Variants in CENPE observed in about 807,000 individuals in gnomAD.
CENPE encodes the protein centromere-associated protein E.
In CENPE, 145 loss-of-function variants were observed where a neutral mutation model predicts 336.1. The observed-to-expected ratio is 0.43, with a 90% confidence interval of 0.38 to 0.50. The LOEUF is 0.50. Among genes scored for constraint, CENPE ranks in the 20% least tolerant of loss-of-function variants. The probability of loss-of-function intolerance (pLI) is 0.00; values close to 1 mark genes in which losing one functional copy is unlikely to be tolerated. For synonymous variants in CENPE, 1,013 were observed against 984.8 expected (o/e 1.03, Z -0.54); for missense variants, 2,719 against 3,023.3 (o/e 0.90, Z 2.36).
rs184905062 is a variant in CENPE, at chr4:103,144,225, C to A, written c.5145+106G>T. The A allele has an allele frequency of 7.8e-4, 743 of 946,788 alleles. 6 individuals are homozygous for A. In the African/African-American group the frequency reaches 0.012, roughly 15 times the overall value. The allele number at this position is 946,788 out of a possible 1,614,324, so 58.6% of individuals were successfully genotyped here. ...TGCTGGGATTACCGGCTCGAGCCAC[C>A]GCGCCCGGCCTGGACCAATTTTATA... On this transcript the variant is annotated intron_variant, in intron 33 of 48. Transcript: ENST00000265148.
Position 103,139,822 on chromosome 4 carries a change from T to TCC in CENPE, c.6170_6171insGG (p.Phe2058AspfsTer3). The TCC allele has an allele frequency of 6.2e-7, 1 of 1,612,162 alleles. No homozygotes were observed. The highest frequency in any genetic ancestry group is 8.5e-7 in the Non-Finnish European group (1 of 1,179,324). The stretch of plus-strand genomic sequence containing the variant: ...TCATTTCCCTTAAGGTTGCTATGAA[T>TCC]TGGTCCCTTTCCATTTTGAGAGATT... On this transcript the variant is annotated frameshift_variant, in exon 38 of 49. Transcript: ENST00000265148. LOFTEE classifies it high-confidence loss of function.
At chr4:103,181,271 C>G in intron 12 of CENPE, 66 bp downstream of exon 12, 2 of 1,174,380 alleles carry the variant, frequency 1.7e-6, no homozygotes, top group Non-Finnish European at 2.3e-6. Flanking sequence ...AGTCTCTGAG[C>G]ATTTGGGCAG....
chr4:103,113,106 ATATATACT>A, intron 46 of CENPE, among the ~76,000 whole-genome samples: 1 of 131,804 alleles, frequency 7.6e-6, no homozygotes, highest in Non-Finnish European at 1.6e-5. Flanking sequence ...ATAAGTGTAT[ATATATACT>A]TATAAGTATA....
chr4:103,191,824 A>G (rs1757381146), intron 8 of CENPE, among the ~76,000 whole-genome samples: 1 of 152,122 alleles, frequency 6.6e-6, no homozygotes, highest in Admixed American at 6.5e-5. Context: ...AAAAAACGTA[A>G]AACTGGAAAA....
intron 16 of CENPE, among the ~76,000 whole-genome samples, chr4:103,173,509 G>A (rs1249619555): frequency 8.6e-6 from 1 of 116,894 alleles, no homozygotes; most frequent in Admixed American, 8.4e-5. Flanking sequence ...ACAAATAAAC[G>A]GAATTACAAC....
chr4:103,161,294 A>G (rs1754420971), intron 19 of CENPE, 41 bp downstream of exon 19: 2 of 1,604,348 alleles, frequency 1.2e-6, no homozygotes, highest in South Asian at 2.2e-5. Flanking sequence ...TACACTGATC[A>G]TTACAACTAC....
At chr4:103,143,478 C>T in intron 33 of CENPE, 72 bp from the exon 34 acceptor site, 1 of 1,043,380 alleles carries the variant, frequency 9.6e-7, no homozygotes, top group Admixed American at 2.2e-5. Context: ...AGGTATAGGG[C>T]AGGAGGTAAA....
chr4:103,198,180 T>C (rs1757884500), intron 1 of CENPE, 84 bp downstream of exon 1: 27 of 1,363,492 alleles, frequency 2.0e-5, no homozygotes, highest in Non-Finnish European at 2.5e-5. Context: ...CAGCGGCTCC[T>C]GGAAACATCG....
In CENPE at chr4:103,161,388, T is replaced by C. The variant is rs114613121; in HGVS notation, c.1912A>G (p.Lys638Glu). 1,545 of 1,612,918 alleles carry C rather than the reference T, an allele frequency of 9.6e-4. 5 individuals carry two copies. The African/African-American group carries it at 0.012, about 13-fold the overall frequency. ...FDAETVALDA[K>E]RESAFLRSEN... ...CTTCTAAGAAAGGCTGATTCTCTCT[T>C]GGCATCAAGGGCTACAGTTTCAGCA... is the stretch of plus-strand genomic sequence containing the variant. Residue 638 changes from lysine (K) to glutamate (E), a missense_variant, in exon 19 of 49, where the codon AAG becomes GAG. Physicochemically the swap from Lys to Glu is moderately conservative, Grantham distance 56 (BLOSUM62 1). Around this residue, in one of 5 missense-constraint regions of CENPE, gnomAD observed 2,437 missense variants for 2,513.3 expected, o/e 0.97. Transcript: ENST00000265148.
chr4:103,120,526 A>G (rs1324287097), intron 43 of CENPE, among the ~76,000 whole-genome samples, 193 bp from the exon 44 acceptor site: 1 of 152,194 alleles, frequency 6.6e-6, no homozygotes, highest in Admixed American at 6.5e-5. Context: ...TGATTTTTGG[A>G]TTGAAAATGT....
intron 17 of CENPE, 42 bp from the exon 18 acceptor site, chr4:103,163,298 T>C (rs749847797): frequency 4.5e-5 from 70 of 1,566,220 alleles, no homozygotes; most frequent in Middle Eastern, 1.7e-4. Context: ...AGAATCTGAT[T>C]TGAAGTCTAA....
chr4:103,124,975 C>G (rs911801768), intron 42 of CENPE, among the ~76,000 whole-genome samples: 1 of 152,212 alleles, frequency 6.6e-6, no homozygotes, highest in Non-Finnish European at 1.5e-5. Flanking sequence ...CTAATCACAA[C>G]TGGGTCTCCA....
At chr4:103,197,212 A>G (rs969625527) in intron 1 of CENPE, among the ~76,000 whole-genome samples, 16 of 152,094 alleles carry the variant, frequency 1.1e-4, no homozygotes, top group Admixed American at 7.9e-4. Flanking sequence ...TCTCTCTTCC[A>G]TTTTCCTCTG....
chr4:103,198,193 G>T, intron 1 of CENPE, 71 bp downstream of exon 1: 2 of 1,433,950 alleles, frequency 1.4e-6, no homozygotes, highest in South Asian at 1.3e-5. Flanking sequence ...AAACATCGTA[G>T]GCCTCGCCCC....
chr4:103,124,309 A>G (rs540009831), intron 42 of CENPE, among the ~76,000 whole-genome samples: 56 of 152,326 alleles, frequency 3.7e-4, no homozygotes, highest in Middle Eastern at 6.8e-3. Context: ...AGTTTGCATC[A>G]GTTTCTGAAA....
At chr4:103,158,251 A>G in intron 24 of CENPE, 49 bp downstream of exon 24, 2 of 1,360,570 alleles carry the variant, frequency 1.5e-6, no homozygotes, top group Non-Finnish European at 2.0e-6. Context: ...TTGAGGTTAA[A>G]GAGTATATAT....
In CENPE at chr4:103,147,595, T is replaced by C. The variant is rs112251376; in HGVS notation, c.3895A>G (p.Ser1299Gly). Residue 1299 changes from serine (S) to glycine (G), a missense_variant, in exon 29 of 49, where the codon AGT becomes GGT. Coordinates refer to ENST00000265148, the MANE Select transcript of CENPE (RefSeq NM_001813.3). ...TCATTCATTGTTTCCTGAGTCTCACTGACTTCTTTCACATTAGGCAGTAAC... is the reference window on the plus strand; with the variant it reads ...TCATTCATTGTTTCCTGAGTCTCACCGACTTCTTTCACATTAGGCAGTAAC... ...QELLPNVKEVSETQETMNELE... is the reference protein window; with the variant it reads ...QELLPNVKEVGETQETMNELE... The C allele has an allele frequency of 6.2e-7, 1 of 1,613,752 alleles. No individual in the cohort carries two copies. Among genetic ancestry groups the C allele is most frequent in the Middle Eastern group, 1.6e-4 (1 of 6,062 alleles).
At chr4:103,193,343 A>G (rs1757508131) in intron 8 of CENPE, among the ~76,000 whole-genome samples, 1 of 152,210 alleles carries the variant, frequency 6.6e-6, no homozygotes, top group Non-Finnish European at 1.5e-5. Context: ...ATACAATTTT[A>G]TAGCAAAATA....
rs1168385683 is a variant in CENPE, at chr4:103,143,003, CAA to C, written c.5304+243_5304+244del. ...CAGGCGACAGAGCGAGACTCTGTCT[CAA>C]AAAAAAAAAAAAAAAAAAAAAAGAA... On this transcript the variant is annotated intron_variant, in intron 34 of 48. Coordinates refer to ENST00000265148, the MANE Select transcript of CENPE (RefSeq NM_001813.3). Among the ~76,000 whole-genome samples, 107 of 62,976 alleles carry C rather than the reference CAA, an allele frequency of 1.7e-3. No homozygotes were observed. The South Asian group carries it at 0.018, about 11-fold the overall frequency. The allele number at this position is 62,976 out of a possible 152,430, so 41.3% of individuals were successfully genotyped here.
Sources: allele counts gnomAD v4.1 joint callset (sites outside exome capture counted in the v4.1 genomes callset), GRCh38; gene constraint gnomAD v4.1.1; regional missense constraint gnomAD v4.1.1; transcripts MANE v1.5; gene names NCBI Gene and HGNC (gene_info 2026-07-23, HGNC 2026-07-21).